Variants in RAD17 observed in about 807,000 individuals in gnomAD.
RAD17 encodes cell cycle checkpoint protein RAD17.
Under a neutral mutation model 81.5 loss-of-function variants are expected in RAD17, and 31 were observed. The observed-to-expected ratio is 0.38, with a 90% CI of 0.29 to 0.51. The LOEUF (loss-of-function observed/expected upper bound fraction) is 0.51, where lower values mean the gene tolerates loss of function less well. Ranked by LOEUF, RAD17 falls within the 20% of genes least tolerant of loss-of-function variation. The probability of loss-of-function intolerance (pLI) is 0.88; values close to 1 mark genes in which losing one functional copy is unlikely to be tolerated. For synonymous variants in RAD17, 261 were observed against 266.2 expected (o/e 0.98, Z 0.19); for missense variants, 681 against 781.2 (o/e 0.87, Z 1.53).
intron 18 of RAD17, among the ~76,000 whole-genome samples, chr5:69,411,765 C>G (rs1256024756): frequency 6.6e-6 from 1 of 152,164 alleles, no homozygotes; most frequent in East Asian, 1.9e-4. Flanking sequence ...AGGACCAAGT[C>G]TCTTTGATGG....
intron 17 of RAD17, among the ~76,000 whole-genome samples, chr5:69,401,246 C>T (rs1474916997): frequency 6.6e-6 from 1 of 152,180 alleles, no homozygotes; most frequent in Non-Finnish European, 1.5e-5. Flanking sequence ...ATTGAAAGTA[C>T]TTCCCCTACA....
intron 6 of RAD17, among the ~76,000 whole-genome samples, chr5:69,378,587 C>T (rs893947623): frequency 2.6e-5 from 4 of 152,156 alleles, no homozygotes; most frequent in Non-Finnish European, 5.9e-5. Flanking sequence ...AATACTGAAC[C>T]ATTATTCTAA....
chr5:69,405,145 C>T (rs1451357619), intron 17 of RAD17, among the ~76,000 whole-genome samples: 1 of 152,104 alleles, frequency 6.6e-6, no homozygotes, highest in Non-Finnish European at 1.5e-5. Flanking sequence ...AAAAGGGAAT[C>T]ACAGAGTTAG....
At chr5:69,411,010 T>C (rs2150893589) in intron 18 of RAD17, among the ~76,000 whole-genome samples, 1 of 139,008 alleles carries the variant, frequency 7.2e-6, no homozygotes, top group East Asian at 2.1e-4. Context: ...GTTCATTTTA[T>C]TGGAAAGTAG....
At chr5:69,385,975 T>A in intron 8 of RAD17, 68 bp from the exon 9 acceptor site, 1 of 1,370,522 alleles carries the variant, frequency 7.3e-7, no homozygotes, top group Non-Finnish European at 9.6e-7. Flanking sequence ...CCTCAATAAA[T>A]ATAAATTTGA....
chr5:69,378,903 G>A (rs1488823226), intron 6 of RAD17, among the ~76,000 whole-genome samples: 1 of 152,134 alleles, frequency 6.6e-6, no homozygotes, highest in Non-Finnish European at 1.5e-5. Context: ...AACACAGTGG[G>A]AACTATATGT....
chr5:69,400,935 A>T (rs1765229228), intron 17 of RAD17, among the ~76,000 whole-genome samples: 1 of 152,018 alleles, frequency 6.6e-6, no homozygotes, highest in Admixed American at 6.6e-5. Context: ...TCTGTCTCAA[A>T]AAAACAAAAA....
Position 69,413,503 on chromosome 5 carries a change from TTTG to T in RAD17, c.1752-520_1752-518del, listed in dbSNP as rs377651765. On this transcript the variant is annotated intron_variant, in intron 18 of 18. Coordinates refer to ENST00000354868, the MANE Select transcript of RAD17 (RefSeq NM_133338.3). ...TTATTTCTTTTTATTTTTAGGTGTTTTTGTTGTTGTGGTTTGGTTTGGTTTTTT... is the reference window on the plus strand; with the variant it reads ...TTATTTCTTTTTATTTTTAGGTGTTTTTGTTGTGGTTTGGTTTGGTTTTTT... Among the ~76,000 whole-genome samples, 485 of 152,278 alleles carry T rather than the reference TTTG, an allele frequency of 3.2e-3. 3 individuals carry two copies. The highest frequency in any genetic ancestry group is 0.011 in the African/African-American group (473 of 41,580).
In RAD17 at chr5:69,374,020, T is replaced by C; in HGVS notation, c.200T>C (p.Leu67Ser). The C allele has an allele frequency of 1.2e-6, 2 of 1,611,028 alleles. No homozygotes were observed. Among genetic ancestry groups the C allele is most frequent in the Non-Finnish European group, 1.7e-6 (2 of 1,177,956 alleles). ...NLSSLEQIYG[L>S]ENSKEYLSEN... ...TCTTCCTTAGAACAGATTTATGGTT[T>C]AGAAAATTCAAAAGAATATCTGTCT... Residue 67 changes from leucine (L) to serine (S), a missense_variant, in exon 5 of 19, where the codon TTA becomes TCA. Coordinates refer to ENST00000354868, the MANE Select transcript of RAD17 (RefSeq NM_133338.3).
At chr5:69,411,214 C>T (rs907736505) in intron 18 of RAD17, among the ~76,000 whole-genome samples, 2 of 151,650 alleles carry the variant, frequency 1.3e-5, no homozygotes, top group Admixed American at 6.6e-5. Flanking sequence ...AGTTCAAGAC[C>T]AGCCTGGACA....
chr5:69,398,921 C>T lies in RAD17; in HGVS notation c.1573-1128C>T, dbSNP rs189051571. On this transcript the variant is annotated intron_variant, in intron 16 of 18. Coordinates refer to ENST00000354868, the MANE Select transcript of RAD17 (RefSeq NM_133338.3). ...GGTGCAGTGGCTCACACCTGTAATC[C>T]GAGCACTTTGGAAAGCTGAGGTGGA... Among the ~76,000 whole-genome samples, 119 of 143,728 alleles carry T rather than the reference C, an allele frequency of 8.3e-4. 1 individual carries two copies. The highest frequency in any genetic ancestry group is 2.6e-3 in the African/African-American group (104 of 39,518). The allele number at this position is 143,728 out of a possible 152,430, so 94.3% of individuals were successfully genotyped here. A position where few individuals can be genotyped will look rare whatever the true frequency, so the allele number is the denominator to read the frequency against.
chr5:69,400,074 A>G lies in RAD17; in HGVS notation c.1598A>G (p.Lys533Arg), dbSNP rs141984626. ...KKYRENCLAA[K>R]ALFPDFCLPA... The stretch of plus-strand genomic sequence containing the variant: ...TATCGGGAAAATTGCCTGGCAGCAA[A>G]AGCACTTTTTCCTGACTTCTGCCTA... The change falls in exon 17 of 19, where the codon AAA becomes AGA. Residue 533 changes from lysine to arginine, a missense_variant. By Grantham distance (26) the Lys-to-Arg change is conservative (BLOSUM62 2). Coordinates refer to ENST00000354868, the MANE Select transcript of RAD17 (RefSeq NM_133338.3). 1.0e-5 allele frequency: 16 copies of G among 1,599,786 alleles called. No homozygotes were observed. The East Asian group carries it at 3.6e-4, about 36-fold the overall frequency.
chr5:69,386,926 C>CTTTT (rs377383013), intron 11 of RAD17, among the ~76,000 whole-genome samples: 1 of 138,544 alleles, frequency 7.2e-6, no homozygotes, highest in Non-Finnish European at 1.5e-5. Context: ...GCTGTTGTCA[C>CTTTT]TTTTTTTTTT....
At position 69,372,083 on chromosome 5, in the gene RAD17, A is replaced by C; in HGVS notation, c.-126A>C. The C allele has an allele frequency of 7.1e-7, 1 of 1,410,598 alleles. No individual in the cohort carries two copies. The highest frequency in any genetic ancestry group is 2.4e-5 in the East Asian group (1 of 41,236). The allele number at this position is 1,410,598 out of a possible 1,614,324, so 87.4% of individuals were successfully genotyped here. On this transcript the variant is annotated 5_prime_UTR_variant, in exon 4 of 19. Coordinates refer to ENST00000354868, the MANE Select transcript of RAD17 (RefSeq NM_133338.3). ...AGAAATGAAACTATAAAATGTATAA[A>C]TAATTTGCAAATCAGAATTGCTGTC...
At chr5:69,398,579 G>A (rs1216255370) in intron 16 of RAD17, among the ~76,000 whole-genome samples, 3 of 152,002 alleles carry the variant, frequency 2.0e-5, no homozygotes, top group Non-Finnish European at 4.4e-5. Context: ...AGGCTGAGGC[G>A]GGCAGAACAC....
chr5:69,411,653 C>T (rs1766010536), intron 18 of RAD17, among the ~76,000 whole-genome samples: 2 of 152,136 alleles, frequency 1.3e-5, no homozygotes, highest in Admixed American at 6.5e-5. Flanking sequence ...CGCAGAAAGA[C>T]CATGATGGAT....
intron 13 of RAD17, 89 bp from the exon 14 acceptor site, chr5:69,393,065 AT>A: frequency 1.3e-6 from 1 of 747,976 alleles, no homozygotes. Context: ...TTGGTATTGT[AT>A]GTCTAAAATT....
At chr5:69,387,478 T>A (rs369421340) in intron 11 of RAD17, among the ~76,000 whole-genome samples, 2 of 151,686 alleles carry the variant, frequency 1.3e-5, no homozygotes, top group South Asian at 4.2e-4. Flanking sequence ...ATAACAGATA[T>A]TAATAGTGAA....
intron 6 of RAD17, among the ~76,000 whole-genome samples, chr5:69,379,086 G>C (rs779615800): frequency 1.3e-5 from 2 of 152,026 alleles, no homozygotes; most frequent in Non-Finnish European, 2.9e-5. Flanking sequence ...TACTAAAAAT[G>C]CAAAAATTAG....
Sources: gnomAD v4.1 joint callset for allele counts (sites outside exome capture counted in the v4.1 genomes callset) on GRCh38, gnomAD v4.1.1 for gene constraint, MANE v1.5 for transcripts, NCBI Gene and HGNC (gene_info 2026-07-23, HGNC 2026-07-21) for gene names.